NAALADL2: variants seen among roughly 807,000 people sequenced by gnomAD.
NAALADL2 encodes the protein inactive N-acetylated-alpha-linked acidic dipeptidase-like protein 2.
NAALADL2 carries 76 observed loss-of-function variants against 87.2 expected under a neutral mutation model. The ratio of observed to expected loss-of-function variants is 0.87; its 90% confidence interval spans 0.72 to 1.05. The LOEUF (loss-of-function observed/expected upper bound fraction) is 1.05. Among genes scored for constraint, NAALADL2 ranks in the 50% least tolerant of loss-of-function variants. The pLI, the probability that NAALADL2 is intolerant of heterozygous loss-of-function variation, is 0.00. For synonymous variants in NAALADL2, 354 were observed against 331.0 expected, an observed-to-expected ratio of 1.07 and a Z score of -0.75; for missense variants, 1,089 against 945.8, an observed-to-expected ratio of 1.15 and a Z score of -1.99.
chr3:175,768,371 G>A (rs1749023309), intron 13 of NAALADL2, among the ~76,000 whole-genome samples: 2 of 151,858 alleles, frequency 1.3e-5, no homozygotes, highest in African/African-American at 2.4e-5. Context: ...ACACTTTTTT[G>A]ATCTATCAGA....
rs568026277 is a variant in NAALADL2 at position 174,821,732 on chromosome 3, G to A, written c.-9+83986G>A. Among the ~76,000 whole-genome samples, 338 of 152,200 alleles carry A rather than the reference G, an allele frequency of 2.2e-3. 1 individual carries two copies. Among genetic ancestry groups the A allele is most frequent in the Non-Finnish European group, 3.9e-3 (264 of 68,012 alleles). On this transcript the variant is annotated intron_variant, in intron 3 of 3. Transcript: ENST00000434257. ...TCAGAGCCTTCTGTGTTCAATCCTG[G>A]GCAGGGAGCCAATTATCTGGAAGGA...
At chr3:174,747,555 G>A (rs1560191516) in intron 3 of NAALADL2, among the ~76,000 whole-genome samples, 1 of 145,228 alleles carries the variant, frequency 6.9e-6, no homozygotes, top group Non-Finnish European at 1.5e-5. Flanking sequence ...CCAGGAGGTG[G>A]AGGTTGCAAT....
chr3:174,521,571 C>CAAAAAAAAAAAAAAAAAAAA (rs58465181), intron 1 of NAALADL2, among the ~76,000 whole-genome samples: 1 of 56,192 alleles, frequency 1.8e-5, no homozygotes, highest in Non-Finnish European at 3.1e-5. Flanking sequence ...GACCCTGTCT[C>CAAAAAAAAAAAAAAAAAAAA]AAAAAAAAAA....
chr3:175,108,519 T>C (rs951879462), intron 2 of NAALADL2, among the ~76,000 whole-genome samples: 1 of 151,976 alleles, frequency 6.6e-6, no homozygotes, highest in Non-Finnish European at 1.5e-5. Flanking sequence ...TGATTTTACC[T>C]TCAAGAAAAA....
intron 4 of NAALADL2, among the ~76,000 whole-genome samples, chr3:175,291,179 A>G (rs555428972): frequency 6.6e-6 from 1 of 152,128 alleles, no homozygotes; most frequent in Admixed American, 6.5e-5. Flanking sequence ...ATAAATTCAC[A>G]TATGTTTCTT....
At chr3:175,099,354 C>G (rs1466197496) in intron 2 of NAALADL2, among the ~76,000 whole-genome samples, 5 of 152,176 alleles carry the variant, frequency 3.3e-5, no homozygotes, top group Admixed American at 2.6e-4. Flanking sequence ...AGCAATTACA[C>G]TCCCAGCTAG....
chr3:174,944,688 G>T (rs568456602), intron 1 of NAALADL2, among the ~76,000 whole-genome samples: 3 of 152,298 alleles, frequency 2.0e-5, no homozygotes, highest in African/African-American at 7.2e-5. Context: ...GTGCCTGAGT[G>T]GCTGCTCTGC....
At position 175,802,993 on chromosome 3, in the gene NAALADL2, A is replaced by G. The variant is rs770138822; in HGVS notation, c.2190-12A>G. 9 of 1,584,048 alleles carry G rather than the reference A, an allele frequency of 5.7e-6. No homozygotes were observed. Among genetic ancestry groups the G allele is most frequent in the Non-Finnish European group, 6.1e-6 (7 of 1,154,838 alleles). ...TGCATGAAACATTTATACATTTTGT[A>G]TTTCTTTTCAGAAACATCCTCTACC... On this transcript the variant is annotated splice_polypyrimidine_tract_variant and intron_variant, in intron 13 of 13. Coordinates refer to ENST00000454872, the MANE Select transcript of NAALADL2 (RefSeq NM_207015.3).
At chr3:175,004,056 C>G (rs1236756942) in intron 1 of NAALADL2, among the ~76,000 whole-genome samples, 1 of 152,106 alleles carries the variant, frequency 6.6e-6, no homozygotes, top group East Asian at 1.9e-4. Context: ...AAGAAACACA[C>G]AGAGTGTACA....
At chr3:174,991,835 C>T (rs1290651347) in intron 1 of NAALADL2, among the ~76,000 whole-genome samples, 1 of 152,046 alleles carries the variant, frequency 6.6e-6, no homozygotes, top group African/African-American at 2.4e-5. Context: ...TGTGTTTGCA[C>T]ATGACTGAAT....
intron 2 of NAALADL2, among the ~76,000 whole-genome samples, chr3:175,182,407 A>G (rs1222823422): frequency 6.6e-6 from 1 of 151,706 alleles, no homozygotes; most frequent in Admixed American, 6.6e-5. Context: ...TTGTTTTTTG[A>G]CACAGGGTCT....
intron 5 of NAALADL2, among the ~76,000 whole-genome samples, chr3:175,432,841 A>G (rs938208676): frequency 2.6e-5 from 4 of 152,102 alleles, no homozygotes; most frequent in African/African-American, 9.7e-5. Flanking sequence ...ACCACTCAGC[A>G]TTCATGGGAA....
intron 13 of NAALADL2, among the ~76,000 whole-genome samples, chr3:175,795,677 T>A (rs781362327): frequency 7.3e-5 from 11 of 151,364 alleles, no homozygotes; most frequent in Non-Finnish European, 1.5e-4. Context: ...AGCGAGACTC[T>A]GTCTCAAAAA....
intron 2 of NAALADL2, among the ~76,000 whole-genome samples, chr3:175,173,285 C>G (rs1373146611): frequency 6.8e-6 from 1 of 146,182 alleles, no homozygotes; most frequent in Non-Finnish European, 1.5e-5. Context: ...CAGCGAGACT[C>G]CGTTTCAAAA....
At chr3:175,785,996 T>G (rs1241972094) in intron 13 of NAALADL2, among the ~76,000 whole-genome samples, 1 of 152,080 alleles carries the variant, frequency 6.6e-6, no homozygotes, top group East Asian at 1.9e-4. Flanking sequence ...AATTCTGGGT[T>G]GAAAATTCTT....
chr3:174,566,168 G>A (rs1233761223), intron 2 of NAALADL2, among the ~76,000 whole-genome samples: 1 of 151,646 alleles, frequency 6.6e-6, no homozygotes. Flanking sequence ...TAGAACACTT[G>A]GATCTTATCA....
chr3:175,155,179 G>T (rs1231611645), intron 2 of NAALADL2, among the ~76,000 whole-genome samples: 7 of 152,126 alleles, frequency 4.6e-5, no homozygotes, highest in Non-Finnish European at 1.0e-4. Flanking sequence ...CAGGTCTCTG[G>T]GGCGGTGGGG....
chr3:175,604,913 G>A (rs1723477628), intron 10 of NAALADL2, among the ~76,000 whole-genome samples: 1 of 152,202 alleles, frequency 6.6e-6, no homozygotes, highest in Middle Eastern at 3.2e-3. Context: ...GATTGGCAGT[G>A]AGGATATGGT....
intron 2 of NAALADL2, among the ~76,000 whole-genome samples, chr3:174,642,790 GT>G (rs200122692): frequency 2.0e-5 from 2 of 98,888 alleles, no homozygotes; most frequent in South Asian, 3.4e-4. Context: ...ATATATATAT[GT>G]TTTTTTTCAT....
Sources: allele counts gnomAD v4.1 joint callset (sites outside exome capture counted in the v4.1 genomes callset), GRCh38; gene constraint gnomAD v4.1.1; transcripts MANE v1.5; gene names NCBI Gene and HGNC (gene_info 2026-07-23, HGNC 2026-07-21).